The following COL4A5 variants were observed in gnomAD, a reference collection of about 807,000 sequenced individuals.
COL4A5 encodes collagen alpha-5(IV) chain.
Under a neutral mutation model 130.2 loss-of-function variants are expected in COL4A5, and 26 were observed. The observed-to-expected ratio is 0.20, with a 90% CI of 0.15 to 0.28. The LOEUF (loss-of-function observed/expected upper bound fraction) is 0.28, where lower values mean the gene tolerates loss of function less well. COL4A5 is among the 10% of genes least tolerant of loss of function. The pLI, the probability that COL4A5 is intolerant of heterozygous loss-of-function variation, is 1.00. For synonymous variants in COL4A5, 496 were observed against 439.6 expected, an observed-to-expected ratio of 1.13 and a Z score of -1.60; for missense variants, 1,131 against 1,344.3, an observed-to-expected ratio of 0.84 and a Z score of 2.48.
At chrX:108,620,985 A>G (rs748421640) in intron 31 of COL4A5, among the ~76,000 whole-genome samples, 1 of 110,893 alleles carries the variant, frequency 9.0e-6, no homozygotes, top group South Asian at 3.8e-4. Context: ...AGAAGCGGCA[A>G]GATTTCTTTT....
At chrX:108,573,957 C>A (rs188054253) in intron 9 of COL4A5, among the ~76,000 whole-genome samples, 104 of 110,067 alleles carry the variant, frequency 9.4e-4, no homozygotes, top group African/African-American at 3.3e-3. Context: ...TTACAAAAGA[C>A]CTAATTAAAA....
In COL4A5 at chrX:108,681,911, T is replaced by A. The variant is rs767336993; in HGVS notation, c.4216+23T>A. 127 of 1,175,288 alleles carry A rather than the reference T, an allele frequency of 1.1e-4. 2 individuals are homozygous for A. The South Asian group carries it at 1.4e-3, about 13-fold the overall frequency. On this transcript the variant is annotated intron_variant, in intron 47 of 52. Transcript: ENST00000328300. ...CAGGTACCAATGCAGATCATCTTTA[T>A]TATCATTATTATACTTTTAATTTCT...
intron 29 of COL4A5, among the ~76,000 whole-genome samples, chrX:108,612,555 A>G (rs1169856312): frequency 2.7e-5 from 3 of 111,869 alleles, no homozygotes; most frequent in African/African-American, 6.5e-5. Flanking sequence ...TTACAATAGC[A>G]TCAAATGACA....
chrX:108,685,055 C>A (rs78344789), intron 47 of COL4A5, among the ~76,000 whole-genome samples: 1 of 111,909 alleles, frequency 8.9e-6, no homozygotes, highest in African/African-American at 3.3e-5. Context: ...ATTCAACAGC[C>A]CTTCATGCTA....
At chrX:108,607,072 A>T (rs1233363039) in intron 29 of COL4A5, among the ~76,000 whole-genome samples, 180 bp downstream of exon 29, 1 of 111,632 alleles carries the variant, frequency 9.0e-6, no homozygotes, top group Non-Finnish European at 1.9e-5. Context: ...CATTGAATAG[A>T]TAATAAAATC....
At chrX:108,522,422 T>C (rs1442694637) in intron 1 of COL4A5, among the ~76,000 whole-genome samples, 1 of 103,966 alleles carries the variant, frequency 9.6e-6, no homozygotes, top group African/African-American at 3.5e-5. Context: ...AGAGTTTCAG[T>C]TTCTCCACAT....
chrX:108,563,458 G>A (rs2065925813), intron 3 of COL4A5, among the ~76,000 whole-genome samples: 1 of 111,770 alleles, frequency 8.9e-6, no homozygotes, highest in Non-Finnish European at 1.9e-5. Context: ...TTCAAGAACA[G>A]CACATATTTA....
chrX:108,658,819 T>C (rs1343359950), intron 37 of COL4A5, among the ~76,000 whole-genome samples: 1 of 111,347 alleles, frequency 9.0e-6, no homozygotes, highest in Non-Finnish European at 1.9e-5. Flanking sequence ...TCTGAGGCAT[T>C]CATTAAGCTT....
intron 1 of COL4A5, among the ~76,000 whole-genome samples, chrX:108,514,961 C>T: frequency 8.9e-6 from 1 of 111,891 alleles, no homozygotes; most frequent in African/African-American, 3.2e-5. Flanking sequence ...GCAGTTGTCT[C>T]ATGGGTATAG....
intron 47 of COL4A5, among the ~76,000 whole-genome samples, chrX:108,685,054 C>G (rs1217811683): frequency 8.9e-6 from 1 of 111,927 alleles, no homozygotes; most frequent in Non-Finnish European, 1.9e-5. Context: ...AATTCAACAG[C>G]CCTTCATGCT....
chrX:108,641,036 C>T (rs958263230), intron 36 of COL4A5, among the ~76,000 whole-genome samples: 2 of 111,701 alleles, frequency 1.8e-5, no homozygotes, highest in Non-Finnish European at 3.8e-5. Context: ...GATACCACTT[C>T]ACACTTACTT....
chrX:108,578,056 A>G (rs1282951179), intron 11 of COL4A5, 22 bp from the exon 12 acceptor site: 43 of 1,206,244 alleles, frequency 3.6e-5, no homozygotes, highest in Non-Finnish European at 4.6e-5. Flanking sequence ...TGAGATTTTT[A>G]AATGGAAACT....
chrX:108,544,123 T>C (rs979549490), intron 2 of COL4A5, among the ~76,000 whole-genome samples: 4 of 111,953 alleles, frequency 3.6e-5, no homozygotes, highest in East Asian at 2.8e-4. Context: ...CTGATTGCCC[T>C]GGCCAGAACT....
At chrX:108,519,093 A>G (rs779024756) in intron 1 of COL4A5, among the ~76,000 whole-genome samples, 1 of 111,325 alleles carries the variant, frequency 9.0e-6, no homozygotes, top group African/African-American at 3.3e-5. Flanking sequence ...TCTTTTATTG[A>G]TAGCATTTGT....
chrX:108,668,619 T>TA (rs1463709625), intron 41 of COL4A5, 115 bp downstream of exon 41: 34 of 536,493 alleles, frequency 6.3e-5, no homozygotes, highest in East Asian at 8.0e-5. Flanking sequence ...TGGAGGATGT[T>TA]AAAAAAAAGA....
rs904755227 is a variant in COL4A5, at chrX:108,460,368, C to T, written c.81+20162C>T. Among the ~76,000 whole-genome samples, 3 of 111,259 alleles carry T rather than the reference C, an allele frequency of 2.7e-5. No homozygotes were observed. The Admixed American group carries it at 2.9e-4, about 11-fold the overall frequency. ...TCTGGCAAAATTAATCACCCTAGGC[C>T]GTGGATTTCCTTGCCCCCAACTCCC... is the stretch of plus-strand genomic sequence containing the variant. On this transcript the variant is annotated intron_variant, in intron 1 of 52. Coordinates refer to ENST00000328300, the MANE Select transcript of COL4A5 (RefSeq NM_033380.3).
Position 108,666,497 on chromosome X carries a change from T to C in COL4A5, c.3456T>C (p.Gly1152=), listed in dbSNP as rs1265878619. Reference sequence around the variant, plus strand: ...AACCTGCTGTACTCAATTTTTTAGGTGGTGGAGGTCATCCTGGGCAACCAG... The same window carrying C: ...AACCTGCTGTACTCAATTTTTTAGGCGGTGGAGGTCATCCTGGGCAACCAG... ...PGLPGEPGPV[G]GGGHPGQPGP... Residue 1152 remains glycine, a splice_region_variant and synonymous_variant, in exon 39 of 53, where the codon GGT becomes GGC. Coordinates refer to ENST00000328300, the MANE Select transcript of COL4A5 (RefSeq NM_033380.3). The C allele has an allele frequency of 4.2e-6, 5 of 1,202,086 alleles. No homozygotes were observed. Among genetic ancestry groups the C allele is most frequent in the Non-Finnish European group, 4.5e-6 (4 of 889,357 alleles).
At chrX:108,607,681 A>T (rs1470793696) in intron 29 of COL4A5, among the ~76,000 whole-genome samples, 2 of 109,889 alleles carry the variant, frequency 1.8e-5, no homozygotes, top group Admixed American at 9.7e-5. Flanking sequence ...ACAGGGTTTC[A>T]CCATGTTGGC....
chrX:108,565,175 C>G (rs2065949793), intron 4 of COL4A5, among the ~76,000 whole-genome samples: 1 of 111,468 alleles, frequency 9.0e-6, no homozygotes, highest in East Asian at 2.8e-4. Context: ...TGTCCCTCAA[C>G]TAGAACTCCA....
Sources: allele counts gnomAD v4.1 joint callset (sites outside exome capture counted in the v4.1 genomes callset), GRCh38; gene constraint gnomAD v4.1.1; transcripts MANE v1.5; gene names NCBI Gene and HGNC (gene_info 2026-07-23, HGNC 2026-07-21).